FTL: variants seen among roughly 807,000 people sequenced by gnomAD.
FTL encodes the protein epididymis secretory sperm binding protein.
A neutral mutation model predicts 16.6 loss-of-function variants in FTL; 17 were observed. That is an observed-to-expected ratio of 1.02 (90% CI 0.70 to 1.53). The LOEUF is 1.53. Ranked by LOEUF, FTL falls within the 40% of genes most tolerant of loss-of-function variation. FTL has a pLI of 0.00. For synonymous variants in FTL, 73 were observed against 89.9 expected (o/e 0.81, Z 1.06); for missense variants, 186 against 226.1 (o/e 0.82, Z 1.14).
In FTL at chr19:48,965,605, C is replaced by G; in HGVS notation, c.98C>G (p.Ser33Cys). Reference protein sequence around the residue: ...LYLQASYTYLSLGFYFDRDDV... With the variant: ...LYLQASYTYLCLGFYFDRDDV... ...CTGCAGGCCTCCTACACCTACCTCT[C>G]TCTGGTGAGTCCCCAGGACGCCCCT... is the stretch of plus-strand genomic sequence containing the variant. The change falls in exon 1 of 4, where the codon TCT (serine) becomes TGT (cysteine). Residue 33 changes from serine to cysteine, a missense_variant. Physicochemically the swap from Ser to Cys is moderately radical, Grantham distance 112. Coordinates refer to ENST00000331825, the MANE Select transcript of FTL (RefSeq NM_000146.4). The G allele has an allele frequency of 6.2e-7, 1 of 1,612,508 alleles. No individual in the cohort carries two copies. The highest frequency in any genetic ancestry group is 8.5e-7 in the Non-Finnish European group (1 of 1,178,482).
chr19:48,966,193 C>G (rs796178182), intron 2 of FTL, 88 bp from the exon 3 acceptor site: 42 of 1,587,128 alleles, frequency 2.6e-5, no homozygotes, highest in Non-Finnish European at 3.1e-5. Flanking sequence ...TGGCCTGGGC[C>G]TCTGACCCCC....
intron 3 of FTL, 28 bp from the exon 4 acceptor site, chr19:48,966,554 GT>G: frequency 6.2e-7 from 1 of 1,613,732 alleles, no homozygotes; most frequent in Non-Finnish European, 8.5e-7. Flanking sequence ...CAGGGATTGG[GT>G]TTCTAATTTC....
Position 48,965,481 on chromosome 19 carries a change from T to A in FTL, c.-27T>A. 1 of 1,527,002 alleles carries A rather than the reference T, an allele frequency of 6.5e-7. No individual in the cohort carries two copies. The highest frequency in any genetic ancestry group is 9.1e-7 in the Non-Finnish European group (1 of 1,104,064). 94.6% of individuals were successfully genotyped at this position (1,527,002 alleles called of 1,614,324 possible). ...CTGGGACCTGCCAGCACCGTTTTTG[T>A]GGTTAGCTCCTTCTTGCCAACCAAC... On this transcript the variant is annotated 5_prime_UTR_variant, in exon 1 of 4. Coordinates refer to ENST00000331825, the MANE Select transcript of FTL (RefSeq NM_000146.4).
Position 48,965,844 on chromosome 19 carries a change from G to A in FTL, c.177G>A (p.Lys59=), listed in dbSNP as rs1323614990. 6.2e-7 allele frequency: 1 copy of A among 1,614,190 alleles called. No homozygotes were observed. The highest frequency in any genetic ancestry group is 1.1e-5 in the South Asian group (1 of 91,086). Residue 59 remains lysine, a synonymous_variant, in exon 2 of 4, where the codon AAG becomes AAA. Coordinates refer to ENST00000331825, the MANE Select transcript of FTL (RefSeq NM_000146.4). ...SHFFRELAEE[K]REGYERLLKM... is the part of the protein sequence containing the mutation. The stretch of plus-strand genomic sequence containing the variant: ...TCTTCCGCGAATTGGCCGAGGAGAA[G>A]CGCGAGGGCTACGAGCGTCTCCTGA...
chr19:48,965,961 G>A lies in FTL; in HGVS notation c.249+45G>A, dbSNP rs200426779. On this transcript the variant is annotated intron_variant, in intron 2 of 3. Transcript: ENST00000331825. ...TGGACTACATCTCCCAGCAGGCCGT[G>A]CGCGCGAGGAGCCTTGATTTGAGGG... 10 of 1,606,940 alleles carry A rather than the reference G, an allele frequency of 6.2e-6. No individual in the cohort carries two copies. In the East Asian group the frequency reaches 2.2e-4, roughly 36 times the overall value.
chr19:48,966,299 TG>T lies in FTL; in HGVS notation c.272del (p.Gly91ValfsTer7), dbSNP rs2038453605. The T allele has an allele frequency of 6.2e-7, 1 of 1,613,836 alleles. No individual in the cohort carries two copies. The highest frequency in any genetic ancestry group is 1.3e-5 in the African/African-American group (1 of 74,862). On this transcript the variant is annotated frameshift_variant, in exon 3 of 4. Transcript: ENST00000331825. LOFTEE classifies it high-confidence loss of function. ...TATATAGAAGCCAGCTGAAGATGAG[TG>T]GGGTAAAACCCCAGACGCCATGAAA... ...QDIKKPAEDE[W>X]GKTPDAMKAA...
In FTL at chr19:48,965,391, G is replaced by A. The variant is rs371569614; in HGVS notation, c.-117G>A. The A allele has an allele frequency of 2.7e-6, 2 of 754,584 alleles. No homozygotes were observed. 46.7% of individuals were successfully genotyped at this position (754,584 alleles called of 1,614,324 possible). ...ATCCGGGGACTCTCTTCCAGCCTCC[G>A]ACCGCCCTCCGATTTCCTCTCCGCT... On this transcript the variant is annotated 5_prime_UTR_variant, in exon 1 of 4. Coordinates refer to ENST00000331825, the MANE Select transcript of FTL (RefSeq NM_000146.4).
chr19:48,965,969 GGAGCCTTGATTT>G, intron 2 of FTL, 53 bp downstream of exon 2: 1 of 1,601,232 alleles, frequency 6.2e-7, no homozygotes, highest in Non-Finnish European at 8.5e-7. Context: ...GTGCGCGCGA[GGAGCCTTGATTT>G]GAGGGCGTAG....
At chr19:48,966,523 C>A in intron 3 of FTL, 60 bp from the exon 4 acceptor site, 1 of 1,611,288 alleles carries the variant, frequency 6.2e-7, no homozygotes, top group East Asian at 2.2e-5. Flanking sequence ...CTGCAACTGG[C>A]TGCTCTCTCC....
rs146673696 is a variant in FTL, at chr19:48,965,682, C to A, written c.102+73C>A. 8.1e-6 allele frequency: 13 copies of A among 1,606,006 alleles called. No homozygotes were observed. The Admixed American group carries it at 1.0e-4, about 12-fold the overall frequency. On this transcript the variant is annotated intron_variant, in intron 1 of 3. Coordinates refer to ENST00000331825, the MANE Select transcript of FTL (RefSeq NM_000146.4). Reference sequence around the variant, plus strand: ...CTCCGGCCCTCACTGCACGCGCCAGCCTTCTTTGTGCGGTCGGGTAAACAG... The same window carrying A: ...CTCCGGCCCTCACTGCACGCGCCAGACTTCTTTGTGCGGTCGGGTAAACAG...
Position 48,966,311 on chromosome 19 carries a change from C to A in FTL, c.280C>A (p.Pro94Thr), listed in dbSNP as rs887582485. The A allele has an allele frequency of 1.9e-6, 3 of 1,614,098 alleles. No individual in the cohort carries two copies. Among genetic ancestry groups the A allele is most frequent in the South Asian group, 1.1e-5 (1 of 91,070 alleles). The change falls in exon 3 of 4, where the codon CCA (proline) becomes ACA (threonine). Residue 94 changes from proline (P) to threonine (T), a missense_variant. Transcript: ENST00000331825. ...AGCTGAAGATGAGTGGGGTAAAACC[C>A]CAGACGCCATGAAAGCTGCCATGGC... ...KPAEDEWGKT[P>T]DAMKAAMALE...
chr19:48,965,982 G>C (rs778092866), intron 2 of FTL, 66 bp downstream of exon 2: 5 of 1,579,648 alleles, frequency 3.2e-6, no homozygotes, highest in East Asian at 2.3e-5. Context: ...GCCTTGATTT[G>C]AGGGCGTAGG....
intron 3 of FTL, 42 bp downstream of exon 3, chr19:48,966,448 C>A: frequency 6.2e-7 from 1 of 1,614,120 alleles, no homozygotes; most frequent in South Asian, 1.1e-5. Flanking sequence ...CCATACCCCT[C>A]AAGCCTCTGC....
In FTL at chr19:48,966,735, A is replaced by T; in HGVS notation, c.528A>T (p.Ter176TyrextTer9). 6.2e-7 allele frequency: 1 copy of T among 1,612,768 alleles called. No homozygotes were observed. The highest frequency in any genetic ancestry group is 8.5e-7 in the Non-Finnish European group (1 of 1,179,908). The change falls in exon 4 of 4, where the codon TAA (stop) becomes TAT (tyrosine). Residue 176 changes from the stop codon to tyrosine, a stop_lost. Coordinates refer to ENST00000331825, the MANE Select transcript of FTL (RefSeq NM_000146.4). Reference protein sequence around the residue: ...LFERLTLKHD* With the variant: ...LFERLTLKHDY ...AAAGGCTCACTCTCAAGCACGACTA[A>T]GAGCCTTCTGAGCCCAGCGACTTCT...
At chr19:48,966,551 TG>T in intron 3 of FTL, 31 bp from the exon 4 acceptor site, 1 of 1,613,654 alleles carries the variant, frequency 6.2e-7, no homozygotes, top group Non-Finnish European at 8.5e-7. Flanking sequence ...TTCCAGGGAT[TG>T]GGTTTCTAAT....
At position 48,966,421 on chromosome 19, in the gene FTL, C is replaced by A; in HGVS notation, c.375+15C>A. 27 of 1,614,166 alleles carry A rather than the reference C, an allele frequency of 1.7e-5. No individual in the cohort carries two copies. The highest frequency in any genetic ancestry group is 2.2e-5 in the Non-Finnish European group (26 of 1,180,030). ...CGGACCCCCATGTACGTACCCGCTGCATCCATGGCTACCCAACCATACCCC... is the reference window on the plus strand; with the variant it reads ...CGGACCCCCATGTACGTACCCGCTGAATCCATGGCTACCCAACCATACCCC... On this transcript the variant is annotated intron_variant, in intron 3 of 3. Transcript: ENST00000331825.
At chr19:48,965,990 A>G (rs1479861611) in intron 2 of FTL, 74 bp downstream of exon 2, 1 of 1,563,264 alleles carries the variant, frequency 6.4e-7, no homozygotes, top group East Asian at 2.3e-5. Flanking sequence ...TTGAGGGCGT[A>G]GGTGTCGCGT....
chr19:48,965,640 T>C, intron 1 of FTL, 31 bp downstream of exon 1: 1 of 1,602,230 alleles, frequency 6.2e-7, no homozygotes, highest in East Asian at 2.2e-5. Context: ...TGGCCCTAAT[T>C]TCCTCCAGCT....
At position 48,965,751 on chromosome 19, in the gene FTL, C is replaced by T. The variant is rs775423462; in HGVS notation, c.103-19C>T. 4 of 1,614,120 alleles carry T rather than the reference C, an allele frequency of 2.5e-6. No individual in the cohort carries two copies. Among genetic ancestry groups the T allele is most frequent in the Admixed American group, 3.3e-5 (2 of 60,016 alleles). ...CCTCGCCTCCCGCTAACCATTGTTG[C>T]CTCCATCTCTTCCCGTAGGGCTTCT... On this transcript the variant is annotated intron_variant, in intron 1 of 3. Coordinates refer to ENST00000331825, the MANE Select transcript of FTL (RefSeq NM_000146.4).
Sources: gnomAD v4.1 joint callset for allele counts on GRCh38, gnomAD v4.1.1 for gene constraint, MANE v1.5 for transcripts, NCBI Gene and HGNC (gene_info 2026-07-23, HGNC 2026-07-21) for gene names.